CTNNA3: variants seen among roughly 807,000 people sequenced by gnomAD.
The protein encoded by CTNNA3 is catenin alpha-3.
In CTNNA3, 76 loss-of-function variants were observed where a neutral mutation model predicts 95.7. That is an observed-to-expected ratio of 0.79 (90% CI 0.66 to 0.96). The LOEUF is 0.96. Among genes scored for constraint, CTNNA3 ranks in the 40% least tolerant of loss-of-function variants. The pLI, the probability that CTNNA3 is intolerant of heterozygous loss-of-function variation, is 0.00. For synonymous variants in CTNNA3, 431 were observed against 374.4 expected, an observed-to-expected ratio of 1.15 and a Z score of -1.74; for missense variants, 1,191 against 1,089.8, an observed-to-expected ratio of 1.09 and a Z score of -1.31.
At chr10:66,066,903 T>C (rs2080324041) in intron 15 of CTNNA3, among the ~76,000 whole-genome samples, 1 of 152,148 alleles carries the variant, frequency 6.6e-6, no homozygotes, top group African/African-American at 2.4e-5. Context: ...TTATTTTCTA[T>C]AGACTCTTTT....
chr10:66,672,651 T>C (rs539064791), intron 9 of CTNNA3, among the ~76,000 whole-genome samples: 50 of 152,210 alleles, frequency 3.3e-4, no homozygotes, highest in African/African-American at 1.1e-3. Flanking sequence ...TTGGTTATGG[T>C]GGGAGAGGAG....
intron 13 of CTNNA3, among the ~76,000 whole-genome samples, chr10:66,246,939 G>A (rs1390124270): frequency 6.6e-6 from 1 of 151,406 alleles, no homozygotes; most frequent in Non-Finnish European, 1.5e-5. Flanking sequence ...TGTAGTCCCA[G>A]TTACTCGGGA....
At chr10:66,108,947 A>C (rs2082012930) in intron 13 of CTNNA3, among the ~76,000 whole-genome samples, 1 of 152,192 alleles carries the variant, frequency 6.6e-6, no homozygotes, top group Non-Finnish European at 1.5e-5. Flanking sequence ...AATCCTATGG[A>C]AACTAGAGAT....
At chr10:66,349,570 C>T (rs1164471107) in intron 12 of CTNNA3, among the ~76,000 whole-genome samples, 1 of 152,070 alleles carries the variant, frequency 6.6e-6, no homozygotes, top group Non-Finnish European at 1.5e-5. Context: ...TTTCCAAAGC[C>T]ATTCACAAAT....
chr10:66,275,238 C>G (rs969101519), intron 13 of CTNNA3, among the ~76,000 whole-genome samples: 9 of 152,144 alleles, frequency 5.9e-5, no homozygotes, highest in African/African-American at 2.2e-4. Flanking sequence ...CTGCCTCAAC[C>G]TCCTGAGAAA....
At chr10:67,121,262 A>C (rs1859450342) in intron 7 of CTNNA3, among the ~76,000 whole-genome samples, 1 of 152,096 alleles carries the variant, frequency 6.6e-6, no homozygotes, top group Non-Finnish European at 1.5e-5. Context: ...ACAGTGTCTC[A>C]GTGTAAGCAT....
At chr10:67,584,155 A>T (rs544779400) in intron 3 of CTNNA3, among the ~76,000 whole-genome samples, 1 of 152,216 alleles carries the variant, frequency 6.6e-6, no homozygotes, top group Non-Finnish European at 1.5e-5. Flanking sequence ...TGATTTTTAG[A>T]ATTTTCAGCT....
At chr10:67,180,202 A>G (rs745363099) in intron 7 of CTNNA3, 115 bp downstream of exon 7, 8 of 896,200 alleles carry the variant, frequency 8.9e-6, no homozygotes, top group Non-Finnish European at 1.4e-5. Flanking sequence ...CAACCTATGT[A>G]AAATCACATA....
chr10:67,479,757 T>C (rs188191159), intron 5 of CTNNA3, among the ~76,000 whole-genome samples: 3 of 151,908 alleles, frequency 2.0e-5, no homozygotes, highest in Non-Finnish European at 4.4e-5. Context: ...CTAAATGAAA[T>C]TGAAACCCCA....
intron 9 of CTNNA3, among the ~76,000 whole-genome samples, chr10:66,745,738 C>T (rs972321421): frequency 3.3e-5 from 5 of 149,438 alleles, no homozygotes; most frequent in African/African-American, 1.2e-4. Context: ...TACAGGCGCA[C>T]ATCACCACAC....
At chr10:66,636,641 A>C (rs1845347384) in intron 9 of CTNNA3, among the ~76,000 whole-genome samples, 1 of 152,158 alleles carries the variant, frequency 6.6e-6, no homozygotes, top group Admixed American at 6.5e-5. Context: ...TGTTGAATAC[A>C]TTTAACCCAA....
intron 17 of CTNNA3, among the ~76,000 whole-genome samples, chr10:65,951,389 G>C (rs1470620359): frequency 2.0e-5 from 3 of 152,074 alleles, no homozygotes; most frequent in Non-Finnish European, 4.4e-5. Flanking sequence ...GACTATAACA[G>C]GTCTTATAAT....
At chr10:66,721,640 A>G (rs1310737175) in intron 9 of CTNNA3, among the ~76,000 whole-genome samples, 1 of 152,196 alleles carries the variant, frequency 6.6e-6, no homozygotes, top group Non-Finnish European at 1.5e-5. Context: ...GTTGCTAAGA[A>G]AATACATCAG....
chr10:66,759,137 C>T (rs1480874482), intron 9 of CTNNA3, among the ~76,000 whole-genome samples: 2 of 151,996 alleles, frequency 1.3e-5, no homozygotes, highest in South Asian at 2.1e-4. Context: ...AAAATGTCAC[C>T]GCTTGTCAGA....
chr10:66,020,668 A>ATTTTTTTTTTT (rs10687414), intron 15 of CTNNA3, among the ~76,000 whole-genome samples: 2 of 136,700 alleles, frequency 1.5e-5, no homozygotes, highest in African/African-American at 5.5e-5. Flanking sequence ...GATGATCTGA[A>ATTTTTTTTTTT]TTTTTTTTTT....
intron 13 of CTNNA3, among the ~76,000 whole-genome samples, chr10:66,150,123 CCCA>C (rs1240378351): frequency 6.6e-6 from 1 of 152,172 alleles, no homozygotes; most frequent in Non-Finnish European, 1.5e-5. Flanking sequence ...TCACACAATT[CCCA>C]CGTGTCATGG....
chr10:66,493,094 T>C (rs1839979712), intron 11 of CTNNA3, among the ~76,000 whole-genome samples: 2 of 152,224 alleles, frequency 1.3e-5, no homozygotes, highest in East Asian at 1.9e-4. Context: ...ATATTACTAA[T>C]TGCTAGATCA....
chr10:65,962,144 T>TA (rs1246098947), intron 17 of CTNNA3, among the ~76,000 whole-genome samples: 2 of 152,116 alleles, frequency 1.3e-5, no homozygotes, highest in Non-Finnish European at 2.9e-5. Context: ...CAGCTATTTT[T>TA]AAAAAAATGG....
intron 13 of CTNNA3, among the ~76,000 whole-genome samples, chr10:66,123,804 G>T (rs2082697518): frequency 6.6e-6 from 1 of 152,186 alleles, no homozygotes; most frequent in Admixed American, 6.5e-5. Flanking sequence ...CATGGCCCAA[G>T]CTCGACATTT....
Sources: gnomAD v4.1 joint callset for allele counts (sites outside exome capture counted in the v4.1 genomes callset) on GRCh38, gnomAD v4.1.1 for gene constraint, MANE v1.5 for transcripts, NCBI Gene and HGNC (gene_info 2026-07-23, HGNC 2026-07-21) for gene names.